The following MAD1L1 variants were observed in gnomAD, a reference collection of about 807,000 sequenced individuals.
MAD1L1 encodes mitotic arrest deficient 1 like 1, also known as mitotic spindle assembly checkpoint protein MAD1.
In MAD1L1, 95 loss-of-function variants were observed where a neutral mutation model predicts 96.9. The ratio of observed to expected loss-of-function variants is 0.98; its 90% CI spans 0.83 to 1.16. The LOEUF (loss-of-function observed/expected upper bound fraction) is 1.16, where lower values mean the gene tolerates loss of function less well. Among genes scored for constraint, MAD1L1 ranks in the 50% most tolerant of loss-of-function variants. The pLI, the probability that MAD1L1 is intolerant of heterozygous loss-of-function variation, is 0.00. For missense variants in MAD1L1, 1,007 were observed against 954.4 expected (o/e 1.06, Z -0.73); for synonymous variants, 473 against 396.6 (o/e 1.19, Z -2.29).
At chr7:2,123,867 C>T (rs1284637168) in intron 11 of MAD1L1, among the ~76,000 whole-genome samples, 2 of 152,234 alleles carry the variant, frequency 1.3e-5, no homozygotes, top group Non-Finnish European at 2.9e-5. Context: ...TGCCAATTAG[C>T]CAGCGCCCTT....
chr7:1,830,099 CAG>C (rs1019560159), intron 18 of MAD1L1, among the ~76,000 whole-genome samples: 3 of 152,172 alleles, frequency 2.0e-5, no homozygotes, highest in African/African-American at 4.8e-5. Flanking sequence ...AGGATGCAAA[CAG>C]GGGCTTACAC....
chr7:1,898,161 G>C lies in MAD1L1; in HGVS notation c.1998+39C>G, dbSNP rs543851337. 4.5e-6 allele frequency: 7 copies of C among 1,559,782 alleles called. No individual in the cohort carries two copies. In the South Asian group the frequency reaches 5.8e-5, roughly 13 times the overall value. Reference sequence around the variant, plus strand: ...GGATCTCCCCACAGGAGGAGACAGAGAGCGAGACAGCCGGAGAGCCGTCAC... The same window carrying C: ...GGATCTCCCCACAGGAGGAGACAGACAGCGAGACAGCCGGAGAGCCGTCAC... On this transcript the variant is annotated intron_variant, in intron 18 of 18. Transcript: ENST00000265854.
chr7:1,953,009 G>T (rs920296477), intron 16 of MAD1L1, among the ~76,000 whole-genome samples: 1 of 152,222 alleles, frequency 6.6e-6, no homozygotes, highest in Non-Finnish European at 1.5e-5. Context: ...GGCAGCTGTG[G>T]CTCCAGGAGG....
At position 2,126,504 on chromosome 7, in the gene MAD1L1, C is replaced by T. The variant is rs143766696; in HGVS notation, c.1073+22648G>A. On this transcript the variant is annotated intron_variant, in intron 11 of 18. Transcript: ENST00000265854. The stretch of plus-strand genomic sequence containing the variant: ...TTCCCCCCTCAGGCCTGGGGGGCAG[C>T]GGGGACACCTGACCTGACAGCCCAG... 2.1e-3 allele frequency among the ~76,000 whole-genome samples: 324 copies of T among 152,192 alleles called. 3 individuals carry two copies. The highest frequency in any genetic ancestry group is 7.3e-3 in the African/African-American group (302 of 41,538).
At chr7:1,956,568 A>G (rs1779736789) in intron 16 of MAD1L1, among the ~76,000 whole-genome samples, 1 of 152,256 alleles carries the variant, frequency 6.6e-6, no homozygotes, top group Non-Finnish European at 1.5e-5. Flanking sequence ...CAGCTTCAGG[A>G]CATGCCTAGG....
intron 17 of MAD1L1, among the ~76,000 whole-genome samples, chr7:1,927,115 C>T (rs887865570): frequency 2.0e-5 from 3 of 151,338 alleles, no homozygotes; most frequent in African/African-American, 4.8e-5. Flanking sequence ...AACAAGCCTA[C>T]AAATAATTAC....
rs138010802 is a variant in MAD1L1 at position 2,126,897 on chromosome 7, C to G, written c.1073+22255G>C. Among the ~76,000 whole-genome samples the G allele has an allele frequency of 2.1e-3, 326 of 152,314 alleles. 2 individuals are homozygous for G. The highest frequency in any genetic ancestry group is 7.4e-3 in the African/African-American group (309 of 41,566). On this transcript the variant is annotated intron_variant, in intron 11 of 18. Coordinates refer to ENST00000265854, the MANE Select transcript of MAD1L1 (RefSeq NM_001013836.2). The stretch of plus-strand genomic sequence containing the variant: ...CCCCCTCTCACACTGCCAGGCAAAT[C>G]AGCTGATCAGCAATGCTTCTATGTA...
intron 11 of MAD1L1, among the ~76,000 whole-genome samples, chr7:2,095,751 G>A (rs1402149295): frequency 6.6e-6 from 1 of 152,234 alleles, no homozygotes; most frequent in African/African-American, 2.4e-5. Context: ...GCCAACGCAG[G>A]GAAGCCGTGA....
intron 13 of MAD1L1, among the ~76,000 whole-genome samples, chr7:2,005,320 C>T (rs1299562600): frequency 6.6e-6 from 1 of 152,144 alleles, no homozygotes; most frequent in Non-Finnish European, 1.5e-5. Flanking sequence ...CCTGTGTGAC[C>T]CAGGAAGTTC....
chr7:1,856,328 C>T (rs577422392), intron 18 of MAD1L1, among the ~76,000 whole-genome samples: 2 of 152,208 alleles, frequency 1.3e-5, no homozygotes, highest in African/African-American at 4.8e-5. Flanking sequence ...CGTGGGGCCA[C>T]GCTCTGGGCT....
At chr7:2,198,961 G>A (rs535045397) in intron 10 of MAD1L1, among the ~76,000 whole-genome samples, 2 of 152,234 alleles carry the variant, frequency 1.3e-5, no homozygotes, top group African/African-American at 4.8e-5. Context: ...GAGACGCGCT[G>A]TGGGGCCCGA....
intron 16 of MAD1L1, among the ~76,000 whole-genome samples, chr7:1,952,321 C>A (rs748371291): frequency 9.9e-5 from 15 of 152,244 alleles, no homozygotes; most frequent in African/African-American, 3.6e-4. Flanking sequence ...GCCTCCCCGG[C>A]GGCCCGGTCC....
intron 17 of MAD1L1, among the ~76,000 whole-genome samples, chr7:1,925,020 ATAGG>A (rs1228691917): frequency 6.6e-6 from 1 of 152,332 alleles, no homozygotes; most frequent in East Asian, 1.9e-4. Context: ...ATAACCTGAA[ATAGG>A]TAGGAAAGAG....
At chr7:1,929,578 G>C (rs563382044) in intron 17 of MAD1L1, among the ~76,000 whole-genome samples, 1 of 152,072 alleles carries the variant, frequency 6.6e-6, no homozygotes, top group East Asian at 1.9e-4. Context: ...TCAGATCCCC[G>C]AGAGCAGGGG....
At chr7:1,817,987 C>G (rs1260183452) in intron 18 of MAD1L1, among the ~76,000 whole-genome samples, 1 of 138,008 alleles carries the variant, frequency 7.2e-6, no homozygotes, top group South Asian at 2.4e-4. Flanking sequence ...TGCCCTCCCC[C>G]TGCCCTCCCC....
At chr7:1,839,629 C>T (rs1008612470) in intron 18 of MAD1L1, among the ~76,000 whole-genome samples, 9 of 152,342 alleles carry the variant, frequency 5.9e-5, no homozygotes, top group Non-Finnish European at 7.3e-5. Context: ...ACAGTTTAAA[C>T]GCGCGAGATG....
At chr7:2,042,712 G>C (rs144406649) in intron 12 of MAD1L1, among the ~76,000 whole-genome samples, 1 of 152,170 alleles carries the variant, frequency 6.6e-6, no homozygotes, top group East Asian at 1.9e-4. Context: ...GCCATGTGAC[G>C]TGCCTGCTCC....
chr7:1,821,093 A>AAAAAG (rs1491389708), intron 18 of MAD1L1, among the ~76,000 whole-genome samples: 1 of 27,842 alleles, frequency 3.6e-5, no homozygotes, highest in African/African-American at 8.8e-5. Context: ...AAAAAAAAAA[A>AAAAAG]GGGGGGGGGG....
At chr7:1,925,418 G>T (rs544457205) in intron 17 of MAD1L1, among the ~76,000 whole-genome samples, 2 of 152,194 alleles carry the variant, frequency 1.3e-5, no homozygotes, top group Non-Finnish European at 1.5e-5. Context: ...ATAACGACCC[G>T]AAGTTTATAG....
Sources: gnomAD v4.1 joint callset for allele counts (sites outside exome capture counted in the v4.1 genomes callset) on GRCh38, gnomAD v4.1.1 for gene constraint, MANE v1.5 for transcripts, NCBI Gene and HGNC (gene_info 2026-07-23, HGNC 2026-07-21) for gene names.